The following GPRC5A variants were observed in gnomAD, a reference collection of about 807,000 sequenced individuals.
The protein encoded by GPRC5A is retinoic acid-induced protein 3.
A neutral mutation model predicts 22.5 loss-of-function variants in GPRC5A; 19 were observed. That is an observed-to-expected ratio of 0.85 (90% CI 0.59 to 1.24). The LOEUF is 1.24. GPRC5A is among the 50% of genes most tolerant of loss of function. The probability of loss-of-function intolerance (pLI) is 0.00; values close to 1 mark genes in which losing one functional copy is unlikely to be tolerated. For missense variants in GPRC5A, 471 were observed against 451.1 expected, an observed-to-expected ratio of 1.04 and a Z score of -0.40; for synonymous variants, 192 against 184.5, an observed-to-expected ratio of 1.04 and a Z score of -0.33.
chr12:12,907,607 C>G (rs1414004380), intron 1 of GPRC5A, among the ~76,000 whole-genome samples: 2 of 151,974 alleles, frequency 1.3e-5, no homozygotes, highest in Non-Finnish European at 2.9e-5. Flanking sequence ...TATCAGGAAC[C>G]CTGGCAGGTT....
At chr12:12,901,065 T>C (rs1403998617) in intron 1 of GPRC5A, among the ~76,000 whole-genome samples, 1 of 152,162 alleles carries the variant, frequency 6.6e-6, no homozygotes, top group African/African-American at 2.4e-5. Context: ...TGTTACTGGA[T>C]GGCTGTGTGT....
intron 1 of GPRC5A, among the ~76,000 whole-genome samples, chr12:12,902,692 G>A (rs1011306248): frequency 2.0e-5 from 3 of 152,096 alleles, no homozygotes; most frequent in African/African-American, 7.2e-5. Context: ...GATACCTTGA[G>A]CCCAGGAAGT....
chr12:12,899,271 G>A (rs775996070), intron 1 of GPRC5A, among the ~76,000 whole-genome samples: 19 of 152,222 alleles, frequency 1.2e-4, no homozygotes, highest in African/African-American at 4.3e-4. Context: ...TCCTGGGCTC[G>A]AGTGGTCCTC....
chr12:12,894,315 C>T (rs913327399), intron 1 of GPRC5A, among the ~76,000 whole-genome samples: 1 of 152,164 alleles, frequency 6.6e-6, no homozygotes, highest in Non-Finnish European at 1.5e-5. Context: ...TGTTCTTATT[C>T]ATATTGTATA....
chr12:12,910,477 C>T (rs1449796873), intron 2 of GPRC5A, among the ~76,000 whole-genome samples: 1 of 152,196 alleles, frequency 6.6e-6, no homozygotes. Context: ...CCATGCTTTG[C>T]TGCTCACTTT....
At chr12:12,896,938 A>G (rs1364129720) in intron 1 of GPRC5A, among the ~76,000 whole-genome samples, 1 of 152,194 alleles carries the variant, frequency 6.6e-6, no homozygotes, top group Non-Finnish European at 1.5e-5. Context: ...GTGCAATAGG[A>G]TTTCAAGTCC....
chr12:12,905,807 G>C (rs189891522), intron 1 of GPRC5A, among the ~76,000 whole-genome samples: 1 of 152,300 alleles, frequency 6.6e-6, no homozygotes, highest in Non-Finnish European at 1.5e-5. Flanking sequence ...CCTTTCTCCT[G>C]ACAAAGGACA....
At chr12:12,911,016 G>A (rs1048724531) in intron 2 of GPRC5A, among the ~76,000 whole-genome samples, 3 of 151,784 alleles carry the variant, frequency 2.0e-5, no homozygotes, top group Non-Finnish European at 2.9e-5. Flanking sequence ...GATTACAGAC[G>A]TGCACCATTA....
intron 1 of GPRC5A, among the ~76,000 whole-genome samples, chr12:12,903,065 C>T (rs1237616262): frequency 6.6e-6 from 1 of 151,408 alleles, no homozygotes; most frequent in Non-Finnish European, 1.5e-5. Flanking sequence ...GAAACTCCGT[C>T]TCAAACAAAA....
At position 12,908,363 on chromosome 12, in the gene GPRC5A, G is replaced by C. The variant is rs750168853; in HGVS notation, c.114G>C (p.Gly38=). ...TCCTAGAAACGGTGGCCACAGCCGG[G>C]GTTGTGACCTCGGTGGCCTTCATGC... is the stretch of plus-strand genomic sequence containing the variant. ...GIVLETVATA[G]VVTSVAFMLT... The change falls in exon 2 of 4, where the codon GGG becomes GGC. Residue 38 remains glycine, a synonymous_variant. Transcript: ENST00000014914. The C allele has an allele frequency of 6.2e-7, 1 of 1,614,096 alleles. No individual in the cohort carries two copies. Among genetic ancestry groups the C allele is most frequent in the Non-Finnish European group, 8.5e-7 (1 of 1,179,968 alleles).
In GPRC5A at chr12:12,909,055, C is replaced by T; in HGVS notation, c.806C>T (p.Thr269Ile). The change falls in exon 2 of 4, where the codon ACA becomes ATA. Residue 269 changes from threonine to isoleucine, a missense_variant. By Grantham distance (89) the Thr-to-Ile change is moderately conservative (BLOSUM62 -1). Transcript: ENST00000014914. ...GTTAGTCCCGAGTTTTGGCTGCTCA[C>T]AAAGCAACGAAACCCCATGGATTAT... ...AYVSPEFWLL[T>I]KQRNPMDYPV... 1 of 1,610,442 alleles carries T rather than the reference C, an allele frequency of 6.2e-7. No individual in the cohort carries two copies. The highest frequency in any genetic ancestry group is 1.1e-5 in the South Asian group (1 of 91,078).
At chr12:12,897,665 G>A (rs1863837117) in intron 1 of GPRC5A, among the ~76,000 whole-genome samples, 1 of 149,248 alleles carries the variant, frequency 6.7e-6, no homozygotes, top group African/African-American at 2.5e-5. Flanking sequence ...CTGGAGTGTA[G>A]TGGCGTGATC....
At position 12,916,631 on chromosome 12, in the gene GPRC5A, T is replaced by C. The variant is rs139554919; in HGVS notation, c.*4092T>C. On this transcript the variant is annotated 3_prime_UTR_variant, in exon 4 of 4. Coordinates refer to ENST00000014914, the MANE Select transcript of GPRC5A (RefSeq NM_003979.4). ...CTCCATCTCCTTTGGCAAAGTTCCT[T>C]TGCCCTTTGTCTTATTTTTGTGAAA... The C allele has an allele frequency of 6.6e-6, 1 of 152,364 alleles. No individual in the cohort carries two copies. The highest frequency in any genetic ancestry group is 1.9e-4 in the East Asian group (1 of 5,190). 9.4% of individuals were successfully genotyped at this position (152,364 alleles called of 1,614,324 possible).
At chr12:12,894,772 GTTTTTTTTTTT>G (rs56794431) in intron 1 of GPRC5A, among the ~76,000 whole-genome samples, 2 of 67,426 alleles carry the variant, frequency 3.0e-5, no homozygotes, top group African/African-American at 5.9e-5. Flanking sequence ...GTCTAGGATG[GTTTTTTTTTTT>G]TTTTTTTTTT....
At chr12:12,900,924 A>AAAC (rs1415627657) in intron 1 of GPRC5A, among the ~76,000 whole-genome samples, 35 of 113,924 alleles carry the variant, frequency 3.1e-4, no homozygotes, top group African/African-American at 9.2e-4. Flanking sequence ...CAAAAAAAAA[A>AAAC]CAACCCAGAA....
Position 12,908,844 on chromosome 12 carries a change from T to C in GPRC5A, c.595T>C (p.Phe199Leu), listed in dbSNP as rs748086867. The C allele has an allele frequency of 6.2e-7, 1 of 1,614,122 alleles. No individual in the cohort carries two copies. Among genetic ancestry groups the C allele is most frequent in the East Asian group, 2.2e-5 (1 of 44,884 alleles). ...ALTFLMSSFT[F>L]CGSFTGWKRH... The stretch of plus-strand genomic sequence containing the variant: ...GACCTTCCTCATGTCCTCCTTCACC[T>C]TCTGTGGTTCCTTCACGGGCTGGAA... The change falls in exon 2 of 4, where the codon TTC becomes CTC. Residue 199 changes from phenylalanine to leucine, a missense_variant. Phe to Leu is a conservative substitution (Grantham distance 22). Transcript: ENST00000014914.
chr12:12,904,750 C>A (rs1016272267), intron 1 of GPRC5A, among the ~76,000 whole-genome samples: 33 of 151,908 alleles, frequency 2.2e-4, no homozygotes, highest in African/African-American at 7.7e-4. Context: ...ACATGATATT[C>A]ACATATGTAT....
chr12:12,901,558 A>G (rs540069350), intron 1 of GPRC5A, among the ~76,000 whole-genome samples: 2 of 152,178 alleles, frequency 1.3e-5, no homozygotes, highest in South Asian at 2.1e-4. Flanking sequence ...TATTCTGGTT[A>G]GGTACTTACT....
At position 12,914,576 on chromosome 12, in the gene GPRC5A, CTTTCTTTCTTTCTTTCTT is replaced by C. The variant is rs932332948; in HGVS notation, c.*2039_*2056del. ...TCTTTCTTTCTTTCTTTCTTTCTTTCTTTCTTTCTTTCTTTCTTTCTCTCTCTCTCTCTCTCTCTCTTT... is the reference window on the plus strand; with the variant it reads ...TCTTTCTTTCTTTCTTTCTTTCTTTCTCTCTCTCTCTCTCTCTCTCTCTTT... On this transcript the variant is annotated 3_prime_UTR_variant, in exon 4 of 4. Coordinates refer to ENST00000014914, the MANE Select transcript of GPRC5A (RefSeq NM_003979.4). 1 of 82,788 alleles carries C rather than the reference CTTTCTTTCTTTCTTTCTT, an allele frequency of 1.2e-5. No individual in the cohort carries two copies. The highest frequency in any genetic ancestry group is 2.2e-5 in the Non-Finnish European group (1 of 46,288). 5.1% of individuals were successfully genotyped at this position (82,788 alleles called of 1,614,324 possible). A position where few individuals can be genotyped will look rare whatever the true frequency, so the allele number is the denominator to read the frequency against.
Sources: allele counts gnomAD v4.1 joint callset (sites outside exome capture counted in the v4.1 genomes callset), GRCh38; gene constraint gnomAD v4.1.1; transcripts MANE v1.5; gene names NCBI Gene and HGNC (gene_info 2026-07-23, HGNC 2026-07-21).